FOXP3: variants seen among roughly 807,000 people sequenced by gnomAD.
FOXP3 encodes forkhead box protein P3.
A neutral mutation model predicts 31.2 loss-of-function variants in FOXP3; 5 were observed. That is an observed-to-expected ratio of 0.16 (90% confidence interval 0.08 to 0.34). The LOEUF is 0.34. FOXP3 is among the 10% of genes least tolerant of loss of function. The probability of loss-of-function intolerance (pLI) is 1.00; values close to 1 mark genes in which losing one functional copy is unlikely to be tolerated. For synonymous variants in FOXP3, 141 were observed against 148.8 expected, an observed-to-expected ratio of 0.95 and a Z score of 0.38; for missense variants, 251 against 363.0, an observed-to-expected ratio of 0.69 and a Z score of 2.51.
In FOXP3 at chrX:49,256,220, AAGAGAGAGAGAGAGAGAGAGAGAG is replaced by A. The variant is rs782303757; in HGVS notation, c.648-442_648-419del. The stretch of plus-strand genomic sequence containing the variant: ...TGTGTGTGTGTGTGAGAGAGAGAGA[AAGAGAGAGAGAGAGAGAGAGAGAG>A]AGAGAGAGAGAGAGAGAGAGAGAGA... On this transcript the variant is annotated intron_variant, in intron 6 of 11. Transcript: ENST00000376207. 4.3e-3 allele frequency among the ~76,000 whole-genome samples: 291 copies of A among 67,018 alleles called. 3 individuals carry two copies. Among genetic ancestry groups the A allele is most frequent in the Middle Eastern group, 0.028 (4 of 143 alleles). 58.2% of individuals were successfully genotyped at this position (67,018 alleles called of 115,157 possible).
At position 49,250,924 on chromosome X, in the gene FOXP3, C is replaced by T. The variant is rs2066025750; in HGVS notation, c.*410G>A. The T allele has an allele frequency of 4.1e-6, 1 of 241,970 alleles. No individual in the cohort carries two copies. The highest frequency in any genetic ancestry group is 6.3e-5 in the Admixed American group (1 of 15,875). 19.9% of individuals were successfully genotyped at this position (241,970 alleles called of 1,213,427 possible). On this transcript the variant is annotated 3_prime_UTR_variant, in exon 12 of 12. Transcript: ENST00000376207. ...TTGTTTGAGTGTACTGAGGCAGGCTCTCTGTGTTTTGGGGTTTGTGTTGAG... is the reference window on the plus strand; with the variant it reads ...TTGTTTGAGTGTACTGAGGCAGGCTTTCTGTGTTTTGGGGTTTGTGTTGAG...
In FOXP3 at chrX:49,256,846, C is replaced by A. The variant is rs782085584; in HGVS notation, c.552G>T (p.Ser184=). The stretch of plus-strand genomic sequence containing the variant: ...GTGGGTAGGAGCTCTGGGGCACAGC[C>A]GAAAGGGTGCTGGGGGGACAGAGGG... ...PSAPRKDSTL[S]AVPQSSYPLL... The change falls in exon 6 of 12, where the codon TCG becomes TCT. Residue 184 remains serine, a synonymous_variant. Coordinates refer to ENST00000376207, the MANE Select transcript of FOXP3 (RefSeq NM_014009.4). 8.3e-7 allele frequency: 1 copy of A among 1,211,436 alleles called. No homozygotes were observed. Among genetic ancestry groups the A allele is most frequent in the African/African-American group, 1.7e-5 (1 of 57,827 alleles).
At chrX:49,254,827 GC>G (rs2066058005) in intron 8 of FOXP3, among the ~76,000 whole-genome samples, 1 of 111,513 alleles carries the variant, frequency 9.0e-6, no homozygotes, top group Non-Finnish European at 1.9e-5. Flanking sequence ...TGAACAAGGG[GC>G]CCTGCAGGTT....
At chrX:49,259,483 GTTCACC>G (rs2066097344) in intron 1 of FOXP3, among the ~76,000 whole-genome samples, 1 of 110,081 alleles carries the variant, frequency 9.1e-6, no homozygotes, top group Non-Finnish European at 1.9e-5. Context: ...CCCCATCAGA[GTTCACC>G]CCAATTTCTG....
Position 49,258,445 on chromosome X carries a change from C to G in FOXP3, c.61G>C (p.Gly21Arg), listed in dbSNP as rs782138321. 5 of 1,188,310 alleles carry G rather than the reference C, an allele frequency of 4.2e-6. No individual in the cohort carries two copies. Among genetic ancestry groups the G allele is most frequent in the Non-Finnish European group, 4.5e-6 (4 of 883,562 alleles). Residue 21 changes from glycine (G) to arginine (R), a missense_variant, in exon 2 of 12, where the codon GGA becomes CGA. By Grantham distance (125) the Gly-to-Arg change is moderately radical. Transcript: ENST00000376207. ...APSLALGPSP[G>R]ASPSWRAAPK... ...GCAGCCCTCCAGCTGGGCGAGGCTC[C>G]TGGGGATGGGCCAAGGGCCAAGGAA...
At chrX:49,261,459 C>T (rs185651237) in intron 1 of FOXP3, among the ~76,000 whole-genome samples, 1 of 112,711 alleles carries the variant, frequency 8.9e-6, no homozygotes, top group African/African-American at 3.2e-5. Flanking sequence ...AAAGCCTCAG[C>T]CTTCGCCAAT....
chrX:49,253,768 C>T (rs782271418), intron 9 of FOXP3, 149 bp downstream of exon 9: 14 of 693,898 alleles, frequency 2.0e-5, no homozygotes, highest in South Asian at 7.7e-5. Context: ...CTTTTGTGAG[C>T]GGATGCATTT....
chrX:49,256,620 G>T, intron 6 of FOXP3, 131 bp downstream of exon 6: 1 of 559,136 alleles, frequency 1.8e-6, no homozygotes, highest in Non-Finnish European at 3.1e-6. Context: ...GCTGGGATTT[G>T]AACCCACAGT....
Position 49,253,308 on chromosome X carries a change from A to G in FOXP3, c.968-106T>C. ...CTACAGGCCTGAGATCTCACCGTCA[A>G]CACCCGTGTCCACGGGCACAGGTAC... On this transcript the variant is annotated intron_variant, in intron 9 of 11. Coordinates refer to ENST00000376207, the MANE Select transcript of FOXP3 (RefSeq NM_014009.4). The G allele has an allele frequency of 4.8e-6, 3 of 629,248 alleles. No homozygotes were observed. The South Asian group carries it at 7.4e-5, about 15-fold the overall frequency. The allele number at this position is 629,248 out of a possible 1,213,427, so 51.9% of individuals were successfully genotyped here.
chrX:49,255,050 G>C (rs1240489417), intron 8 of FOXP3, among the ~76,000 whole-genome samples: 3 of 108,701 alleles, frequency 2.8e-5, no homozygotes, highest in African/African-American at 1.0e-4. Flanking sequence ...CCAGGTTCAA[G>C]CAATTCTCTG....
intron 1 of FOXP3, among the ~76,000 whole-genome samples, chrX:49,261,128 A>G (rs782105171): frequency 1.8e-5 from 2 of 112,497 alleles, no homozygotes; most frequent in Non-Finnish European, 3.8e-5. Flanking sequence ...ATAGAACAGC[A>G]TTTCTTAGAT....
Position 49,258,317 on chromosome X carries a change from G to A in FOXP3, c.189C>T (p.Pro63=). The change falls in exon 2 of 12, where the codon CCC becomes CCT. Residue 63 remains proline (P), a synonymous_variant. Transcript: ENST00000376207. ...TCACCTGCAGCTGCGATGGTGGCAT[G>A]GGGTTCAAGGAAGAAGAGGAGGCAT... is the stretch of plus-strand genomic sequence containing the variant. ...GAHASSSSLN[P]MPPSQLQLPT... 8.6e-7 allele frequency: 1 copy of A among 1,166,294 alleles called. No individual in the cohort carries two copies. The highest frequency in any genetic ancestry group is 1.1e-6 in the Non-Finnish European group (1 of 871,675).
chrX:49,257,297 C>A, intron 4 of FOXP3, 130 bp downstream of exon 4: 1 of 928,235 alleles, frequency 1.1e-6, no homozygotes. Context: ...GGTGGAGTTT[C>A]CAAGCCTCTG....
rs1464125011 is a variant in FOXP3, at chrX:49,251,304, T to C, written c.*30A>G. ...TGCCTCCCACCAGTTTGGCCCCTGT[T>C]CGTCCATCCTCCTTTCCTTGATCTT... is the stretch of plus-strand genomic sequence containing the variant. On this transcript the variant is annotated 3_prime_UTR_variant, in exon 12 of 12. Coordinates refer to ENST00000376207, the MANE Select transcript of FOXP3 (RefSeq NM_014009.4). 1.7e-6 allele frequency: 2 copies of C among 1,199,096 alleles called. No individual in the cohort carries two copies. The highest frequency in any genetic ancestry group is 3.5e-5 in the African/African-American group (2 of 56,995).
intron 6 of FOXP3, among the ~76,000 whole-genome samples, chrX:49,256,220 AAGAGAG>A (rs782303757): frequency 0.032 from 2,129 of 66,827 alleles, 94 homozygotes; most frequent in African/African-American, 0.1. Context: ...GAGAGAGAGA[AAGAGAG>A]AGAGAGAGAG....
rs140769582 is a variant in FOXP3, at chrX:49,263,920, C to T, written c.-23+741G>A. On this transcript the variant is annotated intron_variant, in intron 1 of 11. Transcript: ENST00000376207. ...GTTCAGTTAAGTGCTCAGCTTGCCC[C>T]GGCACCTTGCAATCCTCCTGCTACT... 4.0e-4 allele frequency among the ~76,000 whole-genome samples: 45 copies of T among 111,820 alleles called. No homozygotes were observed. In the East Asian group the frequency reaches 5.6e-3, roughly 14 times the overall value.
chrX:49,256,216 GAGAA>G (rs1256046536), intron 6 of FOXP3, among the ~76,000 whole-genome samples: 21 of 52,134 alleles, frequency 4.0e-4, no homozygotes, highest in Admixed American at 1.2e-3. Context: ...GTGAGAGAGA[GAGAA>G]AGAGAGAGAG....
chrX:49,257,335 A>T, intron 4 of FOXP3, 92 bp downstream of exon 4: 1 of 1,063,113 alleles, frequency 9.4e-7, no homozygotes, highest in Non-Finnish European at 1.2e-6. Context: ...CCCCCAGAGT[A>T]CTGCAATTCA....
At chrX:49,257,132 G>A in intron 4 of FOXP3, 120 bp from the exon 5 acceptor site, 1 of 639,316 alleles carries the variant, frequency 1.6e-6, no homozygotes, top group Non-Finnish European at 2.4e-6. Flanking sequence ...ACTCCCAGGG[G>A]GCTCTGCTGT....
Sources: allele counts gnomAD v4.1 joint callset (sites outside exome capture counted in the v4.1 genomes callset), GRCh38; gene constraint gnomAD v4.1.1; transcripts MANE v1.5; gene names NCBI Gene and HGNC (gene_info 2026-07-23, HGNC 2026-07-21).